Variants in NOS3 observed in about 807,000 individuals in gnomAD.
NOS3 encodes the protein NOS type III.
Under a neutral mutation model 144.9 loss-of-function variants are expected in NOS3, and 98 were observed. The ratio of observed to expected loss-of-function variants is 0.68; its 90% CI spans 0.57 to 0.80. The LOEUF (loss-of-function observed/expected upper bound fraction) is 0.80. NOS3 is among the 30% of genes least tolerant of loss of function. The pLI is 0.00. For missense variants in NOS3, 1,465 were observed against 1,656.4 expected (o/e 0.88, Z 2.01); for synonymous variants, 714 against 702.4 (o/e 1.02, Z -0.26).
intron 3 of NOS3, among the ~76,000 whole-genome samples, chr7:150,995,669 C>CTCCCTGTCCCCCTCTAA (rs1802373555): frequency 1.7e-4 from 1 of 5,860 alleles, no homozygotes; most frequent in Admixed American, 1.9e-3. Context: ...CCCACCCCTG[C>CTCCCTGTCCCCCTCTAA]ACCCCTCCTC....
chr7:150,995,089 G>T (rs1166116667), intron 2 of NOS3, 114 bp from the exon 3 acceptor site: 1 of 595,180 alleles, frequency 1.7e-6, no homozygotes, highest in Non-Finnish European at 3.0e-6. Context: ...CAGAAGGCAT[G>T]CGGCAGGTGG....
At chr7:151,006,641 T>C in intron 15 of NOS3, 147 bp downstream of exon 15, 1 of 741,106 alleles carries the variant, frequency 1.3e-6, no homozygotes, top group South Asian at 1.6e-5. Flanking sequence ...CATTCCAGGC[T>C]GCAATGGCAG....
intron 5 of NOS3, among the ~76,000 whole-genome samples, chr7:150,997,567 A>G (rs745542788): frequency 3.5e-4 from 54 of 152,180 alleles, no homozygotes; most frequent in Non-Finnish European, 5.7e-4. Context: ...AAGCTGCCCC[A>G]TGGGGGACTT....
chr7:151,008,778 G>C, intron 17 of NOS3, 152 bp from the exon 18 acceptor site: 1 of 842,288 alleles, frequency 1.2e-6, no homozygotes, highest in Non-Finnish European at 1.7e-6. Context: ...CCATGAAATG[G>C]GCTGGCGGAA....
chr7:150,997,039 C>G, intron 5 of NOS3, 114 bp downstream of exon 5: 1 of 1,276,726 alleles, frequency 7.8e-7, no homozygotes, highest in Non-Finnish European at 1.1e-6. Context: ...GGGGGAGATC[C>G]TTGCCTTTTC....
At chr7:150,997,902 T>A (rs1447604584) in intron 5 of NOS3, among the ~76,000 whole-genome samples, 1 of 152,140 alleles carries the variant, frequency 6.6e-6, no homozygotes, top group African/African-American at 2.4e-5. Context: ...CCACTCAGAA[T>A]GTCAGGATGA....
In NOS3 at chr7:151,013,362, G is replaced by T; in HGVS notation, c.3238G>T (p.Glu1080Ter). 3 of 1,613,422 alleles carry T rather than the reference G, an allele frequency of 1.9e-6. No individual in the cohort carries two copies. The highest frequency in any genetic ancestry group is 2.5e-6 in the Non-Finnish European group (3 of 1,179,756). Residue 1080 changes from glutamate (E) to a stop codon, truncating the protein, a stop_gained, in exon 25 of 27, where the codon GAA (glutamate) becomes TAA (stop). Coordinates refer to ENST00000297494, the MANE Select transcript of NOS3 (RefSeq NM_000603.5). LOFTEE classifies it high-confidence loss of function. ...CCGAGTCCTCACCGCCTTCTCCCGG[G>T]AACCTGACAACCCCAAGGTGTGAGA... ...FGRVLTAFSR[E>*]PDNPKTYVQD...
chr7:151,014,529 T>C lies in NOS3; in HGVS notation c.*360T>C, dbSNP rs1207078942. The C allele has an allele frequency of 4.0e-6, 1 of 247,274 alleles. No individual in the cohort carries two copies. The highest frequency in any genetic ancestry group is 7.7e-6 in the Non-Finnish European group (1 of 129,152). The allele number at this position is 247,274 out of a possible 1,614,324, so 15.3% of individuals were successfully genotyped here. ...TAAATCAAGTATTTATTATTGAAGA[T>C]TTACCATAAGGGACTGTGCCAGATG... On this transcript the variant is annotated 3_prime_UTR_variant, in exon 27 of 27. Coordinates refer to ENST00000297494, the MANE Select transcript of NOS3 (RefSeq NM_000603.5).
chr7:150,996,370 G>A (rs1222228126), intron 3 of NOS3, 34 bp from the exon 4 acceptor site: 2 of 1,123,946 alleles, frequency 1.8e-6, no homozygotes, highest in Non-Finnish European at 1.1e-6. Flanking sequence ...CCTGCACCCT[G>A]GCCTGTCCTG....
chr7:151,001,103 G>A, intron 10 of NOS3, 128 bp from the exon 11 acceptor site: 2 of 874,862 alleles, frequency 2.3e-6, no homozygotes, highest in Non-Finnish European at 3.7e-6. Context: ...GGTTTGAGGG[G>A]ACACAGGGTG....
rs1397811258 is a variant in NOS3, at chr7:151,013,223, G to A, written c.3107-8G>A. ...GAAGAGCCTTCCCAAGCGCGGGGTT[G>A]CTTGCAGGGCTGCAGCCCACTCCCA... On this transcript the variant is annotated splice_polypyrimidine_tract_variant and splice_region_variant and intron_variant, in intron 24 of 26. Transcript: ENST00000297494. The A allele has an allele frequency of 3.1e-6, 5 of 1,610,126 alleles. No individual in the cohort carries two copies. The highest frequency in any genetic ancestry group is 3.4e-6 in the Non-Finnish European group (4 of 1,177,788).
chr7:151,014,213 C>CGCCCTCCAGTTCCGGGAGGGCG lies in NOS3; in HGVS notation c.*45_*46insCCCTCCAGTTCCGGGAGGGCGG. The CGCCCTCCAGTTCCGGGAGGGCG allele has an allele frequency of 1.3e-6, 2 of 1,552,554 alleles. No homozygotes were observed. The highest frequency in any genetic ancestry group is 1.7e-6 in the Non-Finnish European group (2 of 1,148,150). The stretch of plus-strand genomic sequence containing the variant: ...TTCCAGTTCCGGGAGAGCGGCTGCC[C>CGCCCTCCAGTTCCGGGAGGGCG]GACTCAGGTCCGCCCGACCAGGATC... On this transcript the variant is annotated 3_prime_UTR_variant, in exon 27 of 27. Transcript: ENST00000297494.
chr7:150,999,888 G>A (rs1328246322), intron 9 of NOS3, among the ~76,000 whole-genome samples: 1 of 116,246 alleles, frequency 8.6e-6, no homozygotes, highest in Non-Finnish European at 1.8e-5. Flanking sequence ...TTTGTGGGGT[G>A]TGTAGGGGTG....
chr7:151,007,129 G>A lies in NOS3; in HGVS notation c.1965G>A (p.Arg655=), dbSNP rs747000938. ...LRFCVFGLGS[R]AYPHFCAFAR... Reference sequence around the variant, plus strand: ...TCTGTGTGTTCGGGCTCGGCTCCCGGGCATACCCCCACTTCTGCGCCTTTG... The same window carrying A: ...TCTGTGTGTTCGGGCTCGGCTCCCGAGCATACCCCCACTTCTGCGCCTTTG... Residue 655 remains arginine (R), a synonymous_variant, in exon 17 of 27, where the codon CGG becomes CGA. Coordinates refer to ENST00000297494, the MANE Select transcript of NOS3 (RefSeq NM_000603.5). 3 of 1,614,036 alleles carry A rather than the reference G, an allele frequency of 1.9e-6. No individual in the cohort carries two copies. Among genetic ancestry groups the A allele is most frequent in the Non-Finnish European group, 1.7e-6 (2 of 1,179,998 alleles).
At position 150,996,802 on chromosome 7, in the gene NOS3, G is replaced by A; in HGVS notation, c.459G>A (p.Val153=). The change falls in exon 5 of 27, where the codon GTG becomes GTA. Residue 153 remains valine (V), a synonymous_variant. Transcript: ENST00000297494. ...SQAHEQRLQE[V]EAEVAATGTY... is the part of the protein sequence containing the mutation. Reference sequence around the variant, plus strand: ...CCCACGAACAGCGGCTTCAAGAGGTGGAAGCCGAGGTGGCAGCCACAGGCA... The same window carrying A: ...CCCACGAACAGCGGCTTCAAGAGGTAGAAGCCGAGGTGGCAGCCACAGGCA... 1.2e-6 allele frequency: 2 copies of A among 1,610,956 alleles called. No individual in the cohort carries two copies. Among genetic ancestry groups the A allele is most frequent in the Non-Finnish European group, 1.7e-6 (2 of 1,179,530 alleles).
chr7:151,000,512 C>A lies in NOS3; in HGVS notation c.1146C>A (p.Cys382Ter). 1 of 1,612,466 alleles carries A rather than the reference C, an allele frequency of 6.2e-7. No individual in the cohort carries two copies. Among genetic ancestry groups the A allele is most frequent in the Non-Finnish European group, 8.5e-7 (1 of 1,178,882 alleles). The part of the protein sequence containing the change: ...RYNILEDVAV[C>*]MDLDTRTTSS... ...TTCTGCCCCAGGATGTGGCTGTCTGCATGGACCTGGATACCCGGACCACCT... is the reference window on the plus strand; with the variant it reads ...TTCTGCCCCAGGATGTGGCTGTCTGAATGGACCTGGATACCCGGACCACCT... The change falls in exon 10 of 27, where the codon TGC (cysteine) becomes TGA (stop). Residue 382 changes from cysteine (C) to a stop codon, truncating the protein, a stop_gained. Transcript: ENST00000297494. LOFTEE classifies it high-confidence loss of function.
Position 150,993,717 on chromosome 7 carries a change from C to A in NOS3, c.-51-36C>A. On this transcript the variant is annotated intron_variant, in intron 1 of 26. Transcript: ENST00000297494. The surrounding 1 kb of genome is among the most constrained non-coding windows in gnomAD (Gnocchi z 4.0). Reference sequence around the variant, plus strand: ...GCCAGCACTGGAGAGCCCCCTCCCACTGCCCCCTCCTCTCGGTCCCCTCCC... The same window carrying A: ...GCCAGCACTGGAGAGCCCCCTCCCAATGCCCCCTCCTCTCGGTCCCCTCCC... The A allele has an allele frequency of 1.4e-6, 2 of 1,383,326 alleles. No individual in the cohort carries two copies. The highest frequency in any genetic ancestry group is 2.0e-6 in the Non-Finnish European group (2 of 1,020,982). 85.7% of individuals were successfully genotyped at this position (1,383,326 alleles called of 1,614,324 possible). A position where few individuals can be genotyped will look rare whatever the true frequency, so the allele number is the denominator to read the frequency against.
Position 151,006,292 on chromosome 7 carries a change from C to A in NOS3, c.1753-135C>A, listed in dbSNP as rs1795205433. ...GTCATTTTTCAAAAACATCAGATCG[C>A]TTTTGAAATTTTCAAAACAAATAAA... On this transcript the variant is annotated intron_variant, in intron 14 of 26. Transcript: ENST00000297494. 4 of 757,572 alleles carry A rather than the reference C, an allele frequency of 5.3e-6. No individual in the cohort carries two copies. In the South Asian group the frequency reaches 6.3e-5, roughly 12 times the overall value. The allele number at this position is 757,572 out of a possible 1,614,324, so 46.9% of individuals were successfully genotyped here.
chr7:150,994,919 C>T (rs572661791), intron 2 of NOS3, among the ~76,000 whole-genome samples: 1 of 152,272 alleles, frequency 6.6e-6, no homozygotes, highest in Admixed American at 6.5e-5. Flanking sequence ...GGGTGGACAC[C>T]CCATCTCCAG....
Sources: allele counts gnomAD v4.1 joint callset (sites outside exome capture counted in the v4.1 genomes callset), GRCh38; gene constraint gnomAD v4.1.1; non-coding constraint Gnocchi (gnomAD v3.1); transcripts MANE v1.5; gene names NCBI Gene and HGNC (gene_info 2026-07-23, HGNC 2026-07-21).